Variants in IFIH1 observed in about 807,000 individuals in gnomAD.
The protein encoded by IFIH1 is interferon-induced helicase C domain-containing protein 1.
A neutral mutation model predicts 107.4 loss-of-function variants in IFIH1; 125 were observed. The observed-to-expected ratio is 1.16, with a 90% CI of 1.01 to 1.35. The LOEUF (loss-of-function observed/expected upper bound fraction) is 1.35, where lower values mean the gene tolerates loss of function less well. IFIH1 is among the 40% of genes most tolerant of loss of function. IFIH1 has a pLI of 0.00. For missense variants in IFIH1, 1,333 were observed against 1,213.7 expected, an observed-to-expected ratio of 1.10 and a Z score of -1.46; for synonymous variants, 458 against 413.2, an observed-to-expected ratio of 1.11 and a Z score of -1.31.
chr2:162,273,933 T>A lies in IFIH1; in HGVS notation c.2316A>T (p.Lys772Asn), dbSNP rs761635157. ...EFKPMTQNEQ[K>N]EVISKFRTGK... ...CAGTGCGAAATTTACTAATGACTTC[T>A]TTTTGTTCATTCTGTAGAAACATTT... The change falls in exon 12 of 16, where the codon AAA becomes AAT. Residue 772 changes from lysine (K) to asparagine (N), a missense_variant. Lys to Asn is a moderately conservative substitution (Grantham distance 94, BLOSUM62 0). Coordinates refer to ENST00000649979, the MANE Select transcript of IFIH1 (RefSeq NM_022168.4). 6.1e-5 allele frequency: 98 copies of A among 1,597,060 alleles called. No individual in the cohort carries two copies. The highest frequency in any genetic ancestry group is 7.5e-5 in the Non-Finnish European group (88 of 1,167,134).
intron 13 of IFIH1, among the ~76,000 whole-genome samples, chr2:162,270,888 T>C (rs1316461353): frequency 6.6e-6 from 1 of 152,176 alleles, no homozygotes; most frequent in African/African-American, 2.4e-5. Context: ...TCAGGAAACC[T>C]TGGAGTTGGT....
intron 3 of IFIH1, among the ~76,000 whole-genome samples, chr2:162,298,139 C>T (rs1457075060): frequency 6.6e-6 from 1 of 152,086 alleles, no homozygotes; most frequent in Non-Finnish European, 1.5e-5. Context: ...CTGGAAAAAG[C>T]TAACATGGCA....
At chr2:162,274,474 A>G (rs924329197) in intron 11 of IFIH1, among the ~76,000 whole-genome samples, 8 of 152,182 alleles carry the variant, frequency 5.3e-5, no homozygotes, top group Admixed American at 6.5e-5. Flanking sequence ...AGAGAAACTG[A>G]AAACATCAGC....
At chr2:162,288,956 C>G (rs6718381) in intron 4 of IFIH1, among the ~76,000 whole-genome samples, 16,507 of 150,054 alleles carry the variant, frequency 0.11, 2,436 homozygotes, top group African/African-American at 0.32. Context: ...CACACACACA[C>G]AGACACCCTA....
chr2:162,318,244 C>G lies in IFIH1; in HGVS notation c.64G>C (p.Val22Leu). ...GGCTCCACCTGGATGTACATTTTCA[C>G]CCTGGCCCTGAAGCACGAGATGAGA... ...RYLISCFRARVKMYIQVEPVL... is the reference protein window; with the variant it reads ...RYLISCFRARLKMYIQVEPVL... The change falls in exon 1 of 16, where the codon GTG becomes CTG. Residue 22 changes from valine to leucine, a missense_variant. By Grantham distance (32) the Val-to-Leu change is conservative. Transcript: ENST00000649979. The G allele has an allele frequency of 2.5e-6, 4 of 1,614,138 alleles. No homozygotes were observed. Among genetic ancestry groups the G allele is most frequent in the Non-Finnish European group, 3.4e-6 (4 of 1,180,028 alleles).
chr2:162,277,282 A>T, intron 10 of IFIH1, 133 bp downstream of exon 10: 1 of 669,556 alleles, frequency 1.5e-6, no homozygotes, highest in Non-Finnish European at 2.5e-6. Context: ...TCATATCATT[A>T]GAAATAGTTC....
At chr2:162,276,567 T>C in intron 11 of IFIH1, 120 bp downstream of exon 11, 2 of 1,091,096 alleles carry the variant, frequency 1.8e-6, no homozygotes, top group East Asian at 2.5e-5. Context: ...ATCATGCCAC[T>C]GCTCTTCAGC....
chr2:162,275,582 T>C (rs765837996), intron 11 of IFIH1, among the ~76,000 whole-genome samples: 2 of 152,202 alleles, frequency 1.3e-5, no homozygotes, highest in Non-Finnish European at 2.9e-5. Context: ...AGAGGGTATA[T>C]AAAGAGTTAT....
intron 3 of IFIH1, among the ~76,000 whole-genome samples, chr2:162,301,149 A>T (rs1004266149): frequency 6.6e-6 from 1 of 152,192 alleles, no homozygotes; most frequent in African/African-American, 2.4e-5. Context: ...CATATGGGGA[A>T]ATATGAGAAA....
intron 1 of IFIH1, among the ~76,000 whole-genome samples, chr2:162,311,469 A>T (rs552760782): frequency 6.6e-6 from 1 of 152,114 alleles, no homozygotes; most frequent in Admixed American, 6.5e-5. Context: ...ATATTTGCAT[A>T]GTTGATTATT....
chr2:162,269,634 C>T (rs1205916990), intron 13 of IFIH1, among the ~76,000 whole-genome samples: 3 of 152,164 alleles, frequency 2.0e-5, no homozygotes, highest in Non-Finnish European at 2.9e-5. Context: ...GCCAAACTGA[C>T]CTCTCATAGA....
intron 12 of IFIH1, 116 bp from the exon 13 acceptor site, chr2:162,272,503 T>A (rs953987402): frequency 1.2e-6 from 1 of 838,002 alleles, no homozygotes; most frequent in East Asian, 2.6e-5. Flanking sequence ...TTGTTCAGCA[T>A]GCCAGTCTTC....
chr2:162,311,530 T>G (rs1401522391), intron 1 of IFIH1, among the ~76,000 whole-genome samples: 1 of 152,122 alleles, frequency 6.6e-6, no homozygotes, highest in Non-Finnish European at 1.5e-5. Flanking sequence ...TATGGGAAAT[T>G]TATTGTTATA....
intron 1 of IFIH1, among the ~76,000 whole-genome samples, chr2:162,314,416 T>TTTTCGTTCTTTC (rs1683441731): frequency 3.9e-5 from 2 of 51,444 alleles, no homozygotes; most frequent in Non-Finnish European, 6.9e-5. Context: ...TCTTTCTTTC[T>TTTTCGTTCTTTC]TTTCTTTCTT....
Position 162,277,711 on chromosome 2 carries a change from A to T in IFIH1, c.1766-18T>A, listed in dbSNP as rs935247878. On this transcript the variant is annotated intron_variant, in intron 9 of 15. Transcript: ENST00000649979. ...TTTTGCAGCTGTGAAAAAATATATTATGTAAGTGAAATAATAAGCATATAA... is the reference window on the plus strand; with the variant it reads ...TTTTGCAGCTGTGAAAAAATATATTTTGTAAGTGAAATAATAAGCATATAA... 4 of 1,590,460 alleles carry T rather than the reference A, an allele frequency of 2.5e-6. No homozygotes were observed. In the East Asian group the frequency reaches 8.9e-5, roughly 36 times the overall value.
At chr2:162,272,529 G>T (rs1691063606) in intron 12 of IFIH1, 142 bp from the exon 13 acceptor site, 1 of 665,554 alleles carries the variant, frequency 1.5e-6, no homozygotes, top group East Asian at 2.7e-5. Flanking sequence ...GGTAAAGTTA[G>T]TAAAGTTAGT....
In IFIH1 at chr2:162,318,314, T is replaced by A; in HGVS notation, c.-7A>T. The A allele has an allele frequency of 6.2e-7, 1 of 1,607,494 alleles. No individual in the cohort carries two copies. Among genetic ancestry groups the A allele is most frequent in the Non-Finnish European group, 8.5e-7 (1 of 1,175,060 alleles). ...TGGAATACCCATTCGACATCTTTCTTTCTCAGAGAAGGGAGAGGGTTCTCC... is the reference window on the plus strand; with the variant it reads ...TGGAATACCCATTCGACATCTTTCTATCTCAGAGAAGGGAGAGGGTTCTCC... On this transcript the variant is annotated 5_prime_UTR_variant, in exon 1 of 16. Transcript: ENST00000649979.
intron 11 of IFIH1, among the ~76,000 whole-genome samples, chr2:162,274,203 C>A (rs760072091): frequency 6.6e-6 from 1 of 152,004 alleles, no homozygotes; most frequent in East Asian, 1.9e-4. Context: ...ACATTTTATG[C>A]CAAGGAAATA....
chr2:162,311,044 G>T, intron 1 of IFIH1, 111 bp from the exon 2 acceptor site: 1 of 748,688 alleles, frequency 1.3e-6, no homozygotes, highest in Non-Finnish European at 2.1e-6. Context: ...ATAAATAAAG[G>T]CTTACATTGA....
Sources: allele counts gnomAD v4.1 joint callset (sites outside exome capture counted in the v4.1 genomes callset), GRCh38; gene constraint gnomAD v4.1.1; transcripts MANE v1.5; gene names NCBI Gene and HGNC (gene_info 2026-07-23, HGNC 2026-07-21).